The following PLPP7 variants were observed in gnomAD, a reference collection of about 807,000 sequenced individuals.
The protein encoded by PLPP7 is inactive phospholipid phosphatase 7.
A neutral mutation model predicts 16.9 loss-of-function variants in PLPP7; 11 were observed. The observed-to-expected ratio is 0.65, with a 90% CI of 0.41 to 1.08. PLPP7 has a LOEUF of 1.08. Among genes scored for constraint, PLPP7 ranks in the 50% least tolerant of loss-of-function variants. The pLI is 0.00. For synonymous variants in PLPP7, 174 were observed against 175.1 expected (o/e 0.99, Z 0.05); for missense variants, 358 against 397.1 (o/e 0.90, Z 0.84).
chr9:131,300,568 C>T (rs565351473), intron 1 of PLPP7, among the ~76,000 whole-genome samples: 6 of 151,770 alleles, frequency 4.0e-5, no homozygotes, highest in African/African-American at 1.2e-4. Flanking sequence ...TGTGGTCCCA[C>T]CTACATGGGA....
At chr9:131,303,472 A>C (rs985177868) in intron 1 of PLPP7, among the ~76,000 whole-genome samples, 1 of 149,526 alleles carries the variant, frequency 6.7e-6, no homozygotes, top group South Asian at 2.1e-4. Context: ...TCTGCAGTGA[A>C]TAGCATCTTC....
At chr9:131,291,714 TG>T (rs371302928) in intron 1 of PLPP7, among the ~76,000 whole-genome samples, 129 of 152,216 alleles carry the variant, frequency 8.5e-4, no homozygotes, top group East Asian at 3.5e-3. Flanking sequence ...CCCAAGTAGC[TG>T]GGATTACAAG....
intron 1 of PLPP7, among the ~76,000 whole-genome samples, chr9:131,302,583 C>G (rs543929799): frequency 6.6e-6 from 1 of 152,216 alleles, no homozygotes; most frequent in Non-Finnish European, 1.5e-5. Context: ...GAAGACCCAG[C>G]CCAGGGGAAC....
In PLPP7 at chr9:131,308,118, T is replaced by C; in HGVS notation, c.647T>C (p.Val216Ala). The stretch of plus-strand genomic sequence containing the variant: ...CTGGTGCTGGCGGTGCCCCTGCGTG[T>C]GCTGCTGGTGCTCTGGGCCCTCTGC... ...SHLVLAVPLR[V>A]LLVLWALCVG... The change falls in exon 2 of 2, where the codon GTG (valine) becomes GCG (alanine). Residue 216 changes from valine (V) to alanine (A), a missense_variant. By Grantham distance (64) the Val-to-Ala change is moderately conservative. Transcript: ENST00000372264. 2 of 1,601,040 alleles carry C rather than the reference T, an allele frequency of 1.2e-6. No homozygotes were observed. Among genetic ancestry groups the C allele is most frequent in the Non-Finnish European group, 1.7e-6 (2 of 1,179,776 alleles).
chr9:131,291,624 G>T (rs1334599563), intron 1 of PLPP7, among the ~76,000 whole-genome samples: 2 of 150,628 alleles, frequency 1.3e-5, no homozygotes, highest in Non-Finnish European at 3.0e-5. Flanking sequence ...AAGTGCAGTG[G>T]CACGATCTTG....
intron 1 of PLPP7, among the ~76,000 whole-genome samples, chr9:131,298,598 C>T (rs1835761668): frequency 6.6e-6 from 1 of 152,182 alleles, no homozygotes; most frequent in Admixed American, 6.5e-5. Context: ...CCACAAAGGG[C>T]CACACTAGGT....
Position 131,307,997 on chromosome 9 carries a change from C to A in PLPP7, c.526C>A (p.Pro176Thr). The part of the protein sequence containing the change: ...IKRRGPYETS[P>T]SLLDYLTMDI... Reference sequence around the variant, plus strand: ...GCGGCGCGGCCCGTACGAGACGAGCCCCAGCCTCCTGGACTACCTCACCAT... The same window carrying A: ...GCGGCGCGGCCCGTACGAGACGAGCACCAGCCTCCTGGACTACCTCACCAT... Residue 176 changes from proline to threonine, a missense_variant, in exon 2 of 2, where the codon CCC becomes ACC. Physicochemically the swap from Pro to Thr is conservative, Grantham distance 38. Coordinates refer to ENST00000372264, the MANE Select transcript of PLPP7 (RefSeq NM_032728.4). The A allele has an allele frequency of 6.2e-7, 1 of 1,600,676 alleles. No homozygotes were observed. The highest frequency in any genetic ancestry group is 1.3e-5 in the African/African-American group (1 of 75,050).
intron 1 of PLPP7, among the ~76,000 whole-genome samples, chr9:131,306,807 G>A (rs1026144843): frequency 6.6e-6 from 1 of 152,168 alleles, no homozygotes; most frequent in African/African-American, 2.4e-5. Flanking sequence ...CGTGGGTATG[G>A]GGCATTCTTT....
At chr9:131,291,967 C>T (rs182308807) in intron 1 of PLPP7, among the ~76,000 whole-genome samples, 14 of 152,318 alleles carry the variant, frequency 9.2e-5, no homozygotes, top group African/African-American at 3.1e-4. Flanking sequence ...AGGTTGGTGC[C>T]ATTATCATGC....
At chr9:131,306,432 C>T (rs1835853344) in intron 1 of PLPP7, among the ~76,000 whole-genome samples, 1 of 151,596 alleles carries the variant, frequency 6.6e-6, no homozygotes, top group East Asian at 1.9e-4. Context: ...ATCCCAGCTA[C>T]TCAGGAGGCT....
intron 1 of PLPP7, among the ~76,000 whole-genome samples, chr9:131,292,503 C>T (rs1417738217): frequency 5.3e-5 from 8 of 152,110 alleles, no homozygotes; most frequent in African/African-American, 1.7e-4. Context: ...CATGGGGTGA[C>T]GATGGTTCTA....
Position 131,290,072 on chromosome 9 carries a change from G to A in PLPP7, c.75G>A (p.Leu25=). 1 of 1,497,658 alleles carries A rather than the reference G, an allele frequency of 6.7e-7. No homozygotes were observed. The highest frequency in any genetic ancestry group is 8.9e-7 in the Non-Finnish European group (1 of 1,126,572). The allele number at this position is 1,497,658 out of a possible 1,614,324, so 92.8% of individuals were successfully genotyped here. ...NVLNRAEFLS[L]NQPPKGGPEP... ...TCAACCGGGCTGAGTTCCTGTCCCTGAACCAGCCCCCCAAGGGGGGCCCGG... is the reference window on the plus strand; with the variant it reads ...TCAACCGGGCTGAGTTCCTGTCCCTAAACCAGCCCCCCAAGGGGGGCCCGG... The change falls in exon 1 of 2, where the codon CTG becomes CTA. Residue 25 remains leucine, a synonymous_variant. Coordinates refer to ENST00000372264, the MANE Select transcript of PLPP7 (RefSeq NM_032728.4). This position sits in a 1 kb window ranked among gnomAD's most constrained non-coding sequence, Gnocchi z 4.2.
At chr9:131,291,292 G>A (rs575792563) in intron 1 of PLPP7, 19 of 1,243,078 alleles carry the variant, frequency 1.5e-5, no homozygotes, top group African/African-American at 3.1e-5. Context: ...TGTCTTTCCC[G>A]GTGTGGCCAT....
chr9:131,306,510 C>G (rs1340007863), intron 1 of PLPP7, among the ~76,000 whole-genome samples: 1 of 151,852 alleles, frequency 6.6e-6, no homozygotes, highest in African/African-American at 2.4e-5. Context: ...ACACTCCAGC[C>G]TGGGCAACAG....
In PLPP7 at chr9:131,306,018, G is replaced by T. The variant is rs1473693995; in HGVS notation, c.452-1905G>T. 2.0e-5 allele frequency among the ~76,000 whole-genome samples: 3 copies of T among 149,616 alleles called. 1 individual carries two copies. In the South Asian group the frequency reaches 6.4e-4, roughly 32 times the overall value. ...TTTGGGAGGCCAAGACGGGCGGATC[G>T]CGAGGTCAGGAGATCGAGACCATCC... On this transcript the variant is annotated intron_variant, in intron 1 of 1. Coordinates refer to ENST00000372264, the MANE Select transcript of PLPP7 (RefSeq NM_032728.4).
Position 131,308,549 on chromosome 9 carries a change from G to C in PLPP7, c.*262G>C, listed in dbSNP as rs537974624. The stretch of plus-strand genomic sequence containing the variant: ...CTAGGCAGCCAGGACCCACCCATGG[G>C]GACAGCCCTATTTAGCTTCTGCTCT... On this transcript the variant is annotated 3_prime_UTR_variant, in exon 2 of 2. Transcript: ENST00000372264. The C allele has an allele frequency of 1.8e-6, 1 of 546,442 alleles. No individual in the cohort carries two copies. The highest frequency in any genetic ancestry group is 2.2e-5 in the South Asian group (1 of 45,086). 33.8% of individuals were successfully genotyped at this position (546,442 alleles called of 1,614,324 possible). A position where few individuals can be genotyped will look rare whatever the true frequency, so the allele number is the denominator to read the frequency against.
At chr9:131,304,918 G>C (rs938506695) in intron 1 of PLPP7, among the ~76,000 whole-genome samples, 1 of 152,238 alleles carries the variant, frequency 6.6e-6, no homozygotes, top group Non-Finnish European at 1.5e-5. Context: ...GAGCTGTCTG[G>C]AAGGCCGGGG....
Position 131,299,522 on chromosome 9 carries a change from G to T in PLPP7, c.452-8401G>T, listed in dbSNP as rs537193870. Among the ~76,000 whole-genome samples the T allele has an allele frequency of 1.8e-4, 28 of 152,296 alleles. 1 individual carries two copies. In the South Asian group the frequency reaches 5.6e-3, roughly 30 times the overall value. The stretch of plus-strand genomic sequence containing the variant: ...GAGGAGGAAGAGAGGCCCTGCAGGG[G>T]CAGCAGGAAAGGGCAGAGTGGGGTG... On this transcript the variant is annotated intron_variant, in intron 1 of 1. Transcript: ENST00000372264.
intron 1 of PLPP7, among the ~76,000 whole-genome samples, chr9:131,303,122 G>A (rs1004032518): frequency 4.6e-5 from 7 of 152,168 alleles, no homozygotes; most frequent in Non-Finnish European, 1.0e-4. Context: ...ACCTGAGGTC[G>A]GGAGTTCAAG....
Sources: gnomAD v4.1 joint callset for allele counts (sites outside exome capture counted in the v4.1 genomes callset) on GRCh38, gnomAD v4.1.1 for gene constraint, Gnocchi (gnomAD v3.1) non-coding constraint, MANE v1.5 for transcripts, NCBI Gene and HGNC (gene_info 2026-07-23, HGNC 2026-07-21) for gene names.